Variants in SLA observed in about 807,000 individuals in gnomAD.
The protein encoded by SLA is Src like adaptor, also known as src-like-adapter.
Under a neutral mutation model 30.3 loss-of-function variants are expected in SLA, and 16 were observed. That is an observed-to-expected ratio of 0.53 (90% CI 0.36 to 0.80). The LOEUF is 0.80. SLA is among the 30% of genes least tolerant of loss of function. The pLI, the probability that SLA is intolerant of heterozygous loss-of-function variation, is 0.01. For missense variants in SLA, 310 were observed against 345.2 expected, an observed-to-expected ratio of 0.90 and a Z score of 0.81; for synonymous variants, 143 against 137.8, an observed-to-expected ratio of 1.04 and a Z score of -0.26.
chr8:133,067,778 G>C (rs1489419278), intron 2 of SLA, among the ~76,000 whole-genome samples: 1 of 146,616 alleles, frequency 6.8e-6, no homozygotes, highest in Non-Finnish European at 1.5e-5. Flanking sequence ...ACTCCATCTA[G>C]AAAGAAAGAA....
intron 2 of SLA, among the ~76,000 whole-genome samples, chr8:133,067,975 TC>T (rs1429099866): frequency 7.4e-4 from 112 of 151,322 alleles, no homozygotes; most frequent in African/African-American, 2.6e-3. Context: ...AAAGAAGGAT[TC>T]CCTAGAAGCT....
chr8:133,093,090 G>C (rs1847823350), intron 1 of SLA, among the ~76,000 whole-genome samples: 2 of 150,628 alleles, frequency 1.3e-5, no homozygotes, highest in South Asian at 4.2e-4. Flanking sequence ...GGAGTTTTGA[G>C]CTTGAATATT....
intron 2 of SLA, among the ~76,000 whole-genome samples, chr8:133,064,545 C>G (rs889068980): frequency 1.3e-5 from 2 of 152,220 alleles, no homozygotes; most frequent in East Asian, 3.8e-4. Flanking sequence ...AGGACCTACA[C>G]TTTTTGTTCA....
intron 7 of SLA, among the ~76,000 whole-genome samples, chr8:133,043,795 T>C (rs1480216673): frequency 2.0e-5 from 3 of 152,232 alleles, no homozygotes; most frequent in Non-Finnish European, 4.4e-5. Context: ...AGAGCCCATA[T>C]GCAAGAGAAT....
chr8:133,050,962 C>G (rs369971005), intron 3 of SLA, 47 bp from the exon 4 acceptor site: 1 of 1,097,248 alleles, frequency 9.1e-7, no homozygotes, highest in Non-Finnish European at 1.4e-6. Context: ...GCTTTTTATT[C>G]ACAAGGAGCT....
At chr8:133,064,593 G>A (rs1842812166) in intron 2 of SLA, among the ~76,000 whole-genome samples, 1 of 152,228 alleles carries the variant, frequency 6.6e-6, no homozygotes, top group Non-Finnish European at 1.5e-5. Context: ...AGGAACTCTG[G>A]TCAGTGTGCA....
chr8:133,044,852 C>T (rs929247094), intron 7 of SLA, 132 bp downstream of exon 7: 84 of 848,832 alleles, frequency 9.9e-5, no homozygotes, highest in Middle Eastern at 3.2e-4. Context: ...TCTGAATTAA[C>T]GAGAGAGCAT....
intron 7 of SLA, among the ~76,000 whole-genome samples, chr8:133,041,783 A>G (rs1028139580): frequency 6.0e-5 from 8 of 133,812 alleles, no homozygotes; most frequent in Middle Eastern, 3.8e-3. Flanking sequence ...GCTTGTGGTC[A>G]GTTTTTTTTT....
chr8:133,096,741 G>C (rs1005414739), intron 1 of SLA, among the ~76,000 whole-genome samples: 4 of 152,182 alleles, frequency 2.6e-5, no homozygotes, highest in East Asian at 1.9e-4. Context: ...GGGAGATGAA[G>C]GGACTCTTGT....
At chr8:133,045,349 C>T (rs1839131811) in intron 6 of SLA, among the ~76,000 whole-genome samples, 1 of 149,522 alleles carries the variant, frequency 6.7e-6, no homozygotes, top group South Asian at 2.1e-4. Context: ...TCACATGGTC[C>T]TTACAGGTTT....
intron 1 of SLA, among the ~76,000 whole-genome samples, chr8:133,091,953 C>T (rs998250349): frequency 1.3e-5 from 2 of 151,858 alleles, no homozygotes; most frequent in African/African-American, 4.8e-5. Context: ...CCATCTGTGG[C>T]TGTGTGTCTG....
intron 2 of SLA, among the ~76,000 whole-genome samples, chr8:133,068,938 G>A (rs1412321601): frequency 6.6e-6 from 1 of 152,260 alleles, no homozygotes; most frequent in African/African-American, 2.4e-5. Flanking sequence ...TTTGGCCTAG[G>A]CCAGGTCCTG....
At chr8:133,080,920 G>T (rs919102978) in intron 1 of SLA, among the ~76,000 whole-genome samples, 1 of 152,234 alleles carries the variant, frequency 6.6e-6, no homozygotes, top group African/African-American at 2.4e-5. Context: ...AACAATGATT[G>T]CTCCCTCTCA....
At position 133,060,182 on chromosome 8, in the gene SLA, C is replaced by T. The variant is rs199698295; in HGVS notation, c.-22G>A. The T allele has an allele frequency of 2.3e-5, 37 of 1,612,960 alleles. No individual in the cohort carries two copies. The highest frequency in any genetic ancestry group is 1.7e-4 in the Middle Eastern group (1 of 6,060). Reference sequence around the variant, plus strand: ...CCATTTCTTTCTTTTTCCCTGGGGCCGCTGGTGATGCCCAGAGCCTGTGGT... The same window carrying T: ...CCATTTCTTTCTTTTTCCCTGGGGCTGCTGGTGATGCCCAGAGCCTGTGGT... On this transcript the variant is annotated 5_prime_UTR_variant, in exon 3 of 9. Coordinates refer to ENST00000338087, the MANE Select transcript of SLA (RefSeq NM_001045556.3).
intron 6 of SLA, among the ~76,000 whole-genome samples, chr8:133,045,552 G>T (rs548132306): frequency 2.0e-5 from 3 of 151,952 alleles, no homozygotes; most frequent in African/African-American, 7.2e-5. Flanking sequence ...GCGCCACCAC[G>T]CCCAGTTAAT....
chr8:133,053,132 C>A (rs1469716972), intron 3 of SLA, among the ~76,000 whole-genome samples: 1 of 152,182 alleles, frequency 6.6e-6, no homozygotes, highest in Non-Finnish European at 1.5e-5. Context: ...CTTCACCGTT[C>A]CCACCTTTGT....
chr8:133,042,071 G>A (rs1838358776), intron 7 of SLA, among the ~76,000 whole-genome samples: 3 of 152,166 alleles, frequency 2.0e-5, no homozygotes, highest in African/African-American at 7.2e-5. Flanking sequence ...ACAGGTGTGA[G>A]CCACCACACC....
At chr8:133,096,999 A>G (rs568930522) in intron 1 of SLA, among the ~76,000 whole-genome samples, 1 of 152,180 alleles carries the variant, frequency 6.6e-6, no homozygotes, top group South Asian at 2.1e-4. Flanking sequence ...GGCTGAGCAC[A>G]TGCTCCTCTG....
intron 1 of SLA, among the ~76,000 whole-genome samples, chr8:133,086,550 TG>T (rs1846592493): frequency 6.6e-6 from 1 of 152,114 alleles, no homozygotes; most frequent in Non-Finnish European, 1.5e-5. Flanking sequence ...ATCTTTTTGA[TG>T]AAAAAAAACT....
Sources: gnomAD v4.1 joint callset for allele counts (sites outside exome capture counted in the v4.1 genomes callset) on GRCh38, gnomAD v4.1.1 for gene constraint, MANE v1.5 for transcripts, NCBI Gene and HGNC (gene_info 2026-07-23, HGNC 2026-07-21) for gene names.